Variants in MID1 observed in about 807,000 individuals in gnomAD.
MID1 encodes midline 1.
A neutral mutation model predicts 40.4 loss-of-function variants in MID1; 7 were observed. The observed-to-expected ratio is 0.17, with a 90% CI of 0.10 to 0.33. The LOEUF is 0.33. Among genes scored for constraint, MID1 ranks in the 10% least tolerant of loss-of-function variants. MID1 has a pLI of 1.00. For synonymous variants in MID1, 229 were observed against 221.2 expected, an observed-to-expected ratio of 1.04 and a Z score of -0.31; for missense variants, 367 against 558.5, an observed-to-expected ratio of 0.66 and a Z score of 3.46.
At chrX:10,732,680 A>G (rs2043457966) in intron 1 of MID1, among the ~76,000 whole-genome samples, 1 of 111,729 alleles carries the variant, frequency 9.0e-6, no homozygotes, top group South Asian at 3.7e-4. Context: ...CAGCCAAACA[A>G]TCCTTAACAG....
chrX:10,565,379 AAGCC>A, intron 2 of MID1: 1 of 331,174 alleles, frequency 3.0e-6, no homozygotes, highest in Non-Finnish European at 5.9e-6. Flanking sequence ...AGAAATAGCA[AAGCC>A]AAATCCCAGA....
intron 1 of MID1, among the ~76,000 whole-genome samples, chrX:10,766,200 C>T (rs947947398): frequency 5.4e-5 from 6 of 111,859 alleles, no homozygotes; most frequent in South Asian, 3.8e-4. Flanking sequence ...CTTGGGCAGA[C>T]AGTTGGTCAT....
At chrX:10,810,097 C>A (rs768492392) in intron 1 of MID1, among the ~76,000 whole-genome samples, 1 of 111,029 alleles carries the variant, frequency 9.0e-6, no homozygotes, top group South Asian at 3.8e-4. Flanking sequence ...TGTTGTATAA[C>A]CATCATTAGG....
intron 2 of MID1, among the ~76,000 whole-genome samples, chrX:10,548,342 T>C (rs1933778674): frequency 9.0e-6 from 1 of 111,570 alleles, no homozygotes; most frequent in Non-Finnish European, 1.9e-5. Flanking sequence ...AAGGCCCCTT[T>C]CAATAACTTC....
chrX:10,516,188 CTTTTT>C, intron 3 of MID1, among the ~76,000 whole-genome samples: 2 of 71,476 alleles, frequency 2.8e-5, no homozygotes, highest in Middle Eastern at 0.011. Context: ...TGAAGTTGCT[CTTTTT>C]TTTTTTTTTT....
intron 1 of MID1, among the ~76,000 whole-genome samples, chrX:10,776,104 T>C (rs1484124401): frequency 8.9e-6 from 1 of 112,244 alleles, no homozygotes; most frequent in Non-Finnish European, 1.9e-5. Context: ...CACCATTTTG[T>C]TCAAAGCAAA....
intron 1 of MID1, among the ~76,000 whole-genome samples, chrX:10,658,117 G>A (rs2042887694): frequency 9.0e-6 from 1 of 110,912 alleles, no homozygotes; most frequent in Non-Finnish European, 1.9e-5. Context: ...CCAAAGAGTG[G>A]AAAAATTCTT....
At chrX:10,694,528 T>C (rs1029424917) in intron 1 of MID1, among the ~76,000 whole-genome samples, 1 of 111,856 alleles carries the variant, frequency 8.9e-6, no homozygotes, top group African/African-American at 3.3e-5. Flanking sequence ...AGGGGAAAAG[T>C]TTTTCCTCTC....
intron 3 of MID1, among the ~76,000 whole-genome samples, chrX:10,520,195 TC>T (rs771813554): frequency 1.8e-5 from 2 of 111,536 alleles, no homozygotes; most frequent in Non-Finnish European, 3.8e-5. Context: ...TCTCTTTTAA[TC>T]CCCCCTTCTC....
chrX:10,456,251 A>C (rs1928661810), intron 8 of MID1, among the ~76,000 whole-genome samples: 1 of 112,341 alleles, frequency 8.9e-6, no homozygotes, highest in South Asian at 3.7e-4. Context: ...AACACAACAC[A>C]ACACCAGCAC....
chrX:10,675,416 T>C lies in MID1; in HGVS notation c.-186-54997A>G, dbSNP rs533787122. The stretch of plus-strand genomic sequence containing the variant: ...TGGGGATGGGGGAGGGTGCGCAGAG[T>C]TTTTAGGAATTTGGTTCTCAGCTAT... On this transcript the variant is annotated intron_variant, in intron 1 of 10. Coordinates refer to the MID1 transcript ENST00000380785. 2.7e-5 allele frequency among the ~76,000 whole-genome samples: 3 copies of C among 109,616 alleles called. No individual in the cohort carries two copies. The Admixed American group carries it at 2.9e-4, about 11-fold the overall frequency.
chrX:10,647,716 C>T (rs889423319), intron 1 of MID1, among the ~76,000 whole-genome samples: 4 of 111,070 alleles, frequency 3.6e-5, no homozygotes, highest in Non-Finnish European at 7.5e-5. Flanking sequence ...CAATACCAGC[C>T]CTTTGTGTGG....
intron 1 of MID1, among the ~76,000 whole-genome samples, chrX:10,730,284 A>C (rs1391834367): frequency 9.0e-6 from 1 of 110,622 alleles, no homozygotes; most frequent in African/African-American, 3.3e-5. Flanking sequence ...GAGGATATGT[A>C]AGTGTATCGA....
chrX:10,814,158 G>A (rs1422163133), intron 1 of MID1, among the ~76,000 whole-genome samples: 4 of 111,716 alleles, frequency 3.6e-5, no homozygotes, highest in African/African-American at 1.3e-4. Context: ...GAGGTGGGCA[G>A]TGTGGATTTA....
At chrX:10,555,467 A>G (rs1228446395) in intron 2 of MID1, among the ~76,000 whole-genome samples, 3 of 111,460 alleles carry the variant, frequency 2.7e-5, no homozygotes, top group East Asian at 2.8e-4. Context: ...CTCTTTTCAT[A>G]TCCTGTCTAT....
At chrX:10,730,606 C>G (rs1418090339) in intron 1 of MID1, among the ~76,000 whole-genome samples, 2 of 92,972 alleles carry the variant, frequency 2.2e-5, no homozygotes, top group African/African-American at 8.4e-5. Context: ...GAGTCTCGCT[C>G]TGTTGCCCAG....
chrX:10,596,487 C>A (rs1935414514), intron 1 of MID1, among the ~76,000 whole-genome samples: 1 of 112,062 alleles, frequency 8.9e-6, no homozygotes, highest in Non-Finnish European at 1.9e-5. Flanking sequence ...GTTCCAAGAA[C>A]ATGTGATTTC....
intron 1 of MID1, among the ~76,000 whole-genome samples, chrX:10,775,535 C>T (rs757687993): frequency 8.0e-5 from 9 of 112,214 alleles, no homozygotes; most frequent in Non-Finnish European, 1.7e-4. Flanking sequence ...GTCATGAATG[C>T]ATTATTTGTT....
chrX:10,522,578 G>A (rs978528864), intron 3 of MID1, among the ~76,000 whole-genome samples: 5 of 112,003 alleles, frequency 4.5e-5, no homozygotes, highest in African/African-American at 1.3e-4. Context: ...CTCACTGCAA[G>A]CTCCGCCTCC....
Sources: allele counts gnomAD v4.1 joint callset (sites outside exome capture counted in the v4.1 genomes callset), GRCh38; gene constraint gnomAD v4.1.1; transcripts MANE v1.5; gene names NCBI Gene and HGNC (gene_info 2026-07-23, HGNC 2026-07-21).